STYX: variants seen among roughly 807,000 people sequenced by gnomAD.
The protein encoded by STYX is serine/threonine/tyrosine-interacting protein.
In STYX, 20 loss-of-function variants were observed where a neutral mutation model predicts 42.7. The observed-to-expected ratio is 0.47, with a 90% confidence interval of 0.33 to 0.68. STYX has a LOEUF of 0.68. STYX is among the 30% of genes least tolerant of loss of function. The pLI is 0.02. For missense variants in STYX, 226 were observed against 268.5 expected, an observed-to-expected ratio of 0.84 and a Z score of 1.11; for synonymous variants, 78 against 81.9, an observed-to-expected ratio of 0.95 and a Z score of 0.26.
chr14:52,763,136 G>A (rs761974194), intron 9 of STYX, among the ~76,000 whole-genome samples: 22 of 151,776 alleles, frequency 1.4e-4, no homozygotes, highest in African/African-American at 1.9e-4. Context: ...CTGGTGATCC[G>A]CCCGCCTCGG....
chr14:52,730,362 T>A lies in STYX; in HGVS notation c.-113T>A. On this transcript the variant is annotated 5_prime_UTR_variant, in exon 1 of 11. Transcript: ENST00000354586. Reference sequence around the variant, plus strand: ...GTTAGTTGTAATCCCGCCGCCCTCCTGTCAGCCCTCCGCTCCGCCGGCCCT... The same window carrying A: ...GTTAGTTGTAATCCCGCCGCCCTCCAGTCAGCCCTCCGCTCCGCCGGCCCT... 9.3e-7 allele frequency: 1 copy of A among 1,069,978 alleles called. No homozygotes were observed. The highest frequency in any genetic ancestry group is 1.4e-6 in the Non-Finnish European group (1 of 714,560). The allele number at this position is 1,069,978 out of a possible 1,614,324, so 66.3% of individuals were successfully genotyped here.
intron 9 of STYX, among the ~76,000 whole-genome samples, chr14:52,766,800 T>C (rs1264831478): frequency 6.6e-6 from 1 of 152,182 alleles, no homozygotes; most frequent in Non-Finnish European, 1.5e-5. Flanking sequence ...CCCTTTTTTC[T>C]TTGTTATTTG....
At chr14:52,760,722 A>G (rs1882057689) in intron 9 of STYX, among the ~76,000 whole-genome samples, 1 of 152,208 alleles carries the variant, frequency 6.6e-6, no homozygotes, top group Non-Finnish European at 1.5e-5. Flanking sequence ...CTGTTCATGT[A>G]AAATGTTTGT....
rs565422394 is a variant in STYX at position 52,768,992 on chromosome 14, C to T, written c.598+59C>T. 1.4e-4 allele frequency: 180 copies of T among 1,311,982 alleles called. No individual in the cohort carries two copies. In the African/African-American group the frequency reaches 2.1e-3, roughly 16 times the overall value. 81.3% of individuals were successfully genotyped at this position (1,311,982 alleles called of 1,614,324 possible). ...AAGAAAGATAATGAAAGGTGGAGAACTTGCTACAAGTTACACTGAACAATT... is the reference window on the plus strand; with the variant it reads ...AAGAAAGATAATGAAAGGTGGAGAATTTGCTACAAGTTACACTGAACAATT... On this transcript the variant is annotated intron_variant, in intron 10 of 10. Coordinates refer to ENST00000354586, the MANE Select transcript of STYX (RefSeq NM_145251.4).
chr14:52,732,766 G>A (rs1049499073), intron 1 of STYX, among the ~76,000 whole-genome samples: 2 of 151,988 alleles, frequency 1.3e-5, no homozygotes, highest in Non-Finnish European at 2.9e-5. Context: ...CGCCTCCCAC[G>A]TTCAAAAGAT....
rs1297595171 is a variant in STYX, at chr14:52,734,165, T to G, written c.57+3634T>G. ...TGAGGACAGCCAATTTCCCGTCTAC[T>G]GTGCAGAAAAGGTAGGTGGTTTGCA... On this transcript the variant is annotated intron_variant, in intron 1 of 10. Coordinates refer to ENST00000354586, the MANE Select transcript of STYX (RefSeq NM_145251.4). 4.6e-5 allele frequency among the ~76,000 whole-genome samples: 7 copies of G among 152,340 alleles called. No individual in the cohort carries two copies. The East Asian group carries it at 1.3e-3, about 29-fold the overall frequency.
chr14:52,767,786 C>G (rs1340232382), intron 9 of STYX, among the ~76,000 whole-genome samples: 1 of 152,080 alleles, frequency 6.6e-6, no homozygotes, highest in Non-Finnish European at 1.5e-5. Context: ...CTTACCCATG[C>G]CAATGAAATC....
intron 1 of STYX, 105 bp downstream of exon 1, chr14:52,730,636 T>G: frequency 1.5e-6 from 2 of 1,327,354 alleles, no homozygotes; most frequent in Non-Finnish European, 2.1e-6. Flanking sequence ...ACGGGCGCCC[T>G]GCCTCCTAAG....
At chr14:52,746,033 C>G (rs1183920991) in intron 2 of STYX, among the ~76,000 whole-genome samples, 1 of 152,104 alleles carries the variant, frequency 6.6e-6, no homozygotes, top group Admixed American at 6.5e-5. Flanking sequence ...AATTTGAATT[C>G]AACATCTGGA....
chr14:52,743,821 A>C (rs1253683970), intron 1 of STYX, among the ~76,000 whole-genome samples: 1 of 152,100 alleles, frequency 6.6e-6, no homozygotes. Flanking sequence ...AATGAGGACT[A>C]TCTGTACTAT....
intron 8 of STYX, among the ~76,000 whole-genome samples, chr14:52,758,575 ATATT>A (rs1881965473): frequency 6.6e-6 from 1 of 152,126 alleles, no homozygotes; most frequent in African/African-American, 2.4e-5. Flanking sequence ...TTGAATACAA[ATATT>A]TATTTATTTA....
Position 52,748,920 on chromosome 14 carries a change from T to C in STYX, c.145-1763T>C, listed in dbSNP as rs10143395. Among the ~76,000 whole-genome samples, 134 of 152,366 alleles carry C rather than the reference T, an allele frequency of 8.8e-4. 1 individual carries two copies. The highest frequency in any genetic ancestry group is 3.0e-3 in the African/African-American group (126 of 41,590). On this transcript the variant is annotated intron_variant, in intron 3 of 10. Coordinates refer to ENST00000354586, the MANE Select transcript of STYX (RefSeq NM_145251.4). ...TTATCTCACTTTCCCTAACTCAAGT[T>C]ATACTCAAGAAATACAAAGATAATT... is the stretch of plus-strand genomic sequence containing the variant.
intron 9 of STYX, among the ~76,000 whole-genome samples, chr14:52,761,566 GTTTT>G (rs539782412): frequency 9.9e-6 from 1 of 100,830 alleles, no homozygotes; most frequent in Non-Finnish European, 1.9e-5. Flanking sequence ...GTAGCCAAAA[GTTTT>G]TTTTTTTTTT....
intron 4 of STYX, among the ~76,000 whole-genome samples, chr14:52,756,127 T>A (rs1881854540): frequency 6.6e-6 from 1 of 152,168 alleles, no homozygotes; most frequent in Non-Finnish European, 1.5e-5. Flanking sequence ...CACACAGTTC[T>A]ACCTCAGCCC....
intron 1 of STYX, among the ~76,000 whole-genome samples, chr14:52,744,600 A>G (rs1404552594): frequency 2.6e-5 from 4 of 152,194 alleles, no homozygotes; most frequent in Non-Finnish European, 5.9e-5. Flanking sequence ...AAGTTTAATG[A>G]GTAATTTCAT....
At chr14:52,734,051 C>T (rs928086685) in intron 1 of STYX, among the ~76,000 whole-genome samples, 1 of 152,106 alleles carries the variant, frequency 6.6e-6, no homozygotes, top group Admixed American at 6.5e-5. Context: ...CACATCAGTC[C>T]GCTTGGTTGT....
At chr14:52,754,914 T>C (rs1881789469) in intron 4 of STYX, among the ~76,000 whole-genome samples, 1 of 152,196 alleles carries the variant, frequency 6.6e-6, no homozygotes, top group African/African-American at 2.4e-5. Context: ...ATAGTTCTAC[T>C]AGCAGTGCTT....
intron 1 of STYX, among the ~76,000 whole-genome samples, chr14:52,743,418 A>T (rs768930365): frequency 6.6e-5 from 10 of 151,898 alleles, no homozygotes; most frequent in Non-Finnish European, 1.5e-4. Context: ...CGTCTCTACT[A>T]AAAGCACACA....
chr14:52,771,218 G>T lies in STYX; in HGVS notation c.*112G>T. On this transcript the variant is annotated 3_prime_UTR_variant, in exon 11 of 11. Transcript: ENST00000354586. ...TAAGTAGTTTTTTTTTCAATTACAT[G>T]TTGCTTCCAGACATACTTCTCTGCA... The T allele has an allele frequency of 1.1e-6, 1 of 937,302 alleles. No homozygotes were observed. The allele number at this position is 937,302 out of a possible 1,614,324, so 58.1% of individuals were successfully genotyped here. A position where few individuals can be genotyped will look rare whatever the true frequency, so the allele number is the denominator to read the frequency against.
Sources: allele counts gnomAD v4.1 joint callset (sites outside exome capture counted in the v4.1 genomes callset), GRCh38; gene constraint gnomAD v4.1.1; transcripts MANE v1.5; gene names NCBI Gene and HGNC (gene_info 2026-07-23, HGNC 2026-07-21).